The following FAM234B variants were observed in gnomAD, a reference collection of about 807,000 sequenced individuals.
The protein encoded by FAM234B is family with sequence similarity 234 member B, also known as protein FAM234B.
In FAM234B, 33 loss-of-function variants were observed where a neutral mutation model predicts 69.3. The ratio of observed to expected loss-of-function variants is 0.48; its 90% confidence interval spans 0.36 to 0.64. The LOEUF (loss-of-function observed/expected upper bound fraction) is 0.64, where lower values mean the gene tolerates loss of function less well. Among genes scored for constraint, FAM234B ranks in the 30% least tolerant of loss-of-function variants. The pLI is 0.00. For synonymous variants in FAM234B, 306 were observed against 306.9 expected (o/e 1.00, Z 0.03); for missense variants, 697 against 769.7 (o/e 0.91, Z 1.12).
At chr12:13,045,678 T>G (rs1387243360) in intron 1 of FAM234B, among the ~76,000 whole-genome samples, 1 of 152,224 alleles carries the variant, frequency 6.6e-6, no homozygotes, top group Non-Finnish European at 1.5e-5. Context: ...TGATAGCATC[T>G]GCCTTGGAAT....
chr12:13,063,088 G>A, intron 5 of FAM234B, 113 bp downstream of exon 5: 1 of 1,266,938 alleles, frequency 7.9e-7, no homozygotes, highest in East Asian at 2.4e-5. Context: ...TTTTACAAGG[G>A]TTTAGGTTTA....
Position 13,068,395 on chromosome 12 carries a change from C to G in FAM234B, c.1234C>G (p.Arg412Gly), listed in dbSNP as rs751197328. 1 of 1,614,154 alleles carries G rather than the reference C, an allele frequency of 6.2e-7. No homozygotes were observed. The highest frequency in any genetic ancestry group is 8.5e-7 in the Non-Finnish European group (1 of 1,180,030). Residue 412 changes from arginine (R) to glycine (G), a missense_variant, in exon 8 of 13, where the codon CGG becomes GGG. By Grantham distance (125) the Arg-to-Gly change is moderately radical. Transcript: ENST00000197268. ...ITTRQSLVLL[R>G]GQNLTPYWAL... Reference sequence around the variant, plus strand: ...AACCAGACAAAGCCTTGTGCTGCTTCGGGGGCAAAATCTGACACCTTACTG... The same window carrying G: ...AACCAGACAAAGCCTTGTGCTGCTTGGGGGGCAAAATCTGACACCTTACTG...
chr12:13,046,959 A>G (rs1248614249), intron 1 of FAM234B, among the ~76,000 whole-genome samples: 1 of 152,046 alleles, frequency 6.6e-6, no homozygotes, highest in African/African-American at 2.4e-5. Flanking sequence ...TTTACCTCCT[A>G]GGGTTATCTG....
intron 2 of FAM234B, 106 bp from the exon 3 acceptor site, chr12:13,058,345 A>G (rs1864952779): frequency 4.8e-6 from 4 of 834,308 alleles, no homozygotes; most frequent in African/African-American, 1.7e-5. Flanking sequence ...TACTATACCT[A>G]GTCGAGGAAC....
chr12:13,053,882 C>G (rs991101187), intron 1 of FAM234B, among the ~76,000 whole-genome samples: 5 of 152,142 alleles, frequency 3.3e-5, no homozygotes, highest in African/African-American at 7.2e-5. Context: ...GACCTCCCCC[C>G]AGGAATGCAT....
intron 2 of FAM234B, among the ~76,000 whole-genome samples, chr12:13,056,525 C>A (rs1864931832): frequency 6.6e-6 from 1 of 152,158 alleles, no homozygotes; most frequent in Non-Finnish European, 1.5e-5. Flanking sequence ...TTACATCTCA[C>A]CTGTGTTGAG....
intron 1 of FAM234B, among the ~76,000 whole-genome samples, chr12:13,048,150 T>A (rs1864831787): frequency 6.6e-6 from 1 of 152,242 alleles, no homozygotes; most frequent in South Asian, 2.1e-4. Context: ...TCTTTATATT[T>A]CGGTGATGTC....
chr12:13,048,084 T>C (rs1864831069), intron 1 of FAM234B, among the ~76,000 whole-genome samples: 1 of 152,254 alleles, frequency 6.6e-6, no homozygotes, highest in African/African-American at 2.4e-5. Flanking sequence ...GCCCCTAGTC[T>C]TCTGTGATGT....
intron 3 of FAM234B, among the ~76,000 whole-genome samples, chr12:13,060,072 G>C (rs1160768847): frequency 6.6e-6 from 1 of 152,210 alleles, no homozygotes; most frequent in Non-Finnish European, 1.5e-5. Flanking sequence ...ACACAGTCCT[G>C]TGAAGTAGAC....
chr12:13,057,766 C>G (rs1465212179), intron 2 of FAM234B, among the ~76,000 whole-genome samples: 1 of 152,144 alleles, frequency 6.6e-6, no homozygotes. Context: ...TGACACCACC[C>G]CCGTGGAGAG....
chr12:13,079,550 G>A (rs1865200844), intron 11 of FAM234B, among the ~76,000 whole-genome samples: 1 of 152,148 alleles, frequency 6.6e-6, no homozygotes, highest in Admixed American at 6.5e-5. Context: ...GGGCTTTTTT[G>A]GAAATAGCTT....
chr12:13,065,100 A>G (rs537090111), intron 5 of FAM234B, among the ~76,000 whole-genome samples: 131 of 152,160 alleles, frequency 8.6e-4, no homozygotes, highest in Non-Finnish European at 1.3e-3. Flanking sequence ...GATCCATTTC[A>G]TTTTTGGGCC....
chr12:13,068,804 C>A, intron 9 of FAM234B, 93 bp downstream of exon 9: 2 of 774,428 alleles, frequency 2.6e-6, no homozygotes, highest in Non-Finnish European at 4.3e-6. Context: ...ATAAAAAGAA[C>A]CTAAAATATG....
rs186092046 is a variant in FAM234B at position 13,062,475 on chromosome 12, G to A, written c.722-370G>A. 3.0e-3 allele frequency: 487 copies of A among 160,036 alleles called. 5 individuals are homozygous for A. Among genetic ancestry groups the A allele is most frequent in the Non-Finnish European group, 5.0e-3 (369 of 73,218 alleles). 9.9% of individuals were successfully genotyped at this position (160,036 alleles called of 1,614,324 possible). On this transcript the variant is annotated intron_variant, in intron 4 of 12. Transcript: ENST00000197268. ...TACTTATGTGACCGTGTGGGGGAAG[G>A]AAGCAGAGTGGTCTGGTCGGCTGCC... is the stretch of plus-strand genomic sequence containing the variant.
At chr12:13,080,589 A>G (rs765272832) in intron 12 of FAM234B, 36 bp from the exon 13 acceptor site, 1 of 1,577,802 alleles carries the variant, frequency 6.3e-7, no homozygotes, top group Admixed American at 1.7e-5. Context: ...CTCTACCATG[A>G]AAAACAATAA....
intron 10 of FAM234B, among the ~76,000 whole-genome samples, chr12:13,072,708 C>T (rs910835798): frequency 6.9e-5 from 10 of 144,402 alleles, no homozygotes; most frequent in South Asian, 2.2e-4. Context: ...CCAGCCCAGG[C>T]GACAGTGCGA....
intron 1 of FAM234B, among the ~76,000 whole-genome samples, chr12:13,047,256 TA>T (rs1298499742): frequency 6.6e-6 from 1 of 152,206 alleles, no homozygotes; most frequent in African/African-American, 2.4e-5. Context: ...TAGGGCAGCT[TA>T]TCTCCTAAGT....
In FAM234B at chr12:13,065,090, G is replaced by A. The variant is rs116120234; in HGVS notation, c.853-1550G>A. Among the ~76,000 whole-genome samples, 549 of 152,240 alleles carry A rather than the reference G, an allele frequency of 3.6e-3. 3 individuals are homozygous for A. The highest frequency in any genetic ancestry group is 0.012 in the African/African-American group (519 of 41,552). Reference sequence around the variant, plus strand: ...TGGGAATAACACTAATTTGTGAGGCGATCCATTTCATTTTTGGGCCAGCTC... The same window carrying A: ...TGGGAATAACACTAATTTGTGAGGCAATCCATTTCATTTTTGGGCCAGCTC... On this transcript the variant is annotated intron_variant, in intron 5 of 12. Coordinates refer to ENST00000197268, the MANE Select transcript of FAM234B (RefSeq NM_020853.2).
chr12:13,057,087 T>C (rs184971268), intron 2 of FAM234B, among the ~76,000 whole-genome samples: 18 of 151,910 alleles, frequency 1.2e-4, no homozygotes, highest in African/African-American at 4.1e-4. Context: ...AGGTGATTTT[T>C]GTGCCTTAGC....
Sources: gnomAD v4.1 joint callset for allele counts (sites outside exome capture counted in the v4.1 genomes callset) on GRCh38, gnomAD v4.1.1 for gene constraint, MANE v1.5 for transcripts, NCBI Gene and HGNC (gene_info 2026-07-23, HGNC 2026-07-21) for gene names.